The following KATNAL2 variants were observed in gnomAD, a reference collection of about 807,000 sequenced individuals.
KATNAL2 encodes the protein katanin p60 ATPase-containing subunit A-like 2.
In KATNAL2, 52 loss-of-function variants were observed where a neutral mutation model predicts 76.3. The observed-to-expected ratio is 0.68, with a 90% confidence interval of 0.55 to 0.86. The LOEUF is 0.86. Ranked by LOEUF, KATNAL2 falls within the 40% of genes least tolerant of loss-of-function variation. The probability of loss-of-function intolerance (pLI) is 0.00; values close to 1 mark genes in which losing one functional copy is unlikely to be tolerated. For missense variants in KATNAL2, 660 were observed against 668.9 expected (o/e 0.99, Z 0.15); for synonymous variants, 243 against 244.2 (o/e 1.00, Z 0.05).
At chr18:46,957,915 C>T (rs1319597567) in intron 3 of KATNAL2, among the ~76,000 whole-genome samples, 2 of 151,980 alleles carry the variant, frequency 1.3e-5, no homozygotes, top group African/African-American at 2.4e-5. Flanking sequence ...CCAGGATGGT[C>T]TCCATCTCCT....
intron 10 of KATNAL2, 42 bp downstream of exon 10, chr18:47,063,403 T>G (rs1458179326): frequency 2.0e-6 from 3 of 1,490,160 alleles, no homozygotes; most frequent in Non-Finnish European, 2.8e-6. Flanking sequence ...GGAGGCAGGC[T>G]GGGGCTTCTG....
chr18:46,922,376 T>C (rs566296210), intron 1 of KATNAL2, among the ~76,000 whole-genome samples: 2 of 152,220 alleles, frequency 1.3e-5, no homozygotes, highest in African/African-American at 4.8e-5. Flanking sequence ...GGATTACTGA[T>C]GTGAGCCGCT....
intron 1 of KATNAL2, among the ~76,000 whole-genome samples, chr18:46,922,583 C>T (rs537637778): frequency 5.9e-5 from 9 of 151,924 alleles, no homozygotes; most frequent in Admixed American, 4.6e-4. Flanking sequence ...CGCCTGAGGT[C>T]GGGAGTTCGA....
chr18:46,927,535 A>G (rs778082702), intron 1 of KATNAL2, among the ~76,000 whole-genome samples: 1 of 151,850 alleles, frequency 6.6e-6, no homozygotes, highest in African/African-American at 2.4e-5. Context: ...CTTCATTTCA[A>G]CTTTGGTGAA....
In KATNAL2 at chr18:47,043,765, T is replaced by C. The variant is rs113021983; in HGVS notation, c.52-2692T>C. ...ATGAGATGTGTTAGTGTTTTGATTATTAACAATACGTATGTTGAAAAGTAA... is the reference window on the plus strand; with the variant it reads ...ATGAGATGTGTTAGTGTTTTGATTACTAACAATACGTATGTTGAAAAGTAA... On this transcript the variant is annotated intron_variant, in intron 3 of 17. Transcript: ENST00000683218. Among the ~76,000 whole-genome samples the C allele has an allele frequency of 3.3e-3, 506 of 152,130 alleles. 1 individual carries two copies. Among genetic ancestry groups the C allele is most frequent in the African/African-American group, 0.012 (486 of 41,464 alleles).
chr18:46,924,924 AT>A (rs1370715071), intron 1 of KATNAL2, among the ~76,000 whole-genome samples: 1 of 152,174 alleles, frequency 6.6e-6, no homozygotes, highest in Non-Finnish European at 1.5e-5. Context: ...ATTTTTGTAC[AT>A]TGATTTTGTA....
intron 8 of KATNAL2, among the ~76,000 whole-genome samples, chr18:47,062,564 A>G (rs946410213): frequency 6.6e-6 from 1 of 151,894 alleles, no homozygotes; most frequent in African/African-American, 2.4e-5. Context: ...TGTACCCAGC[A>G]CTCTATTGAG....
In KATNAL2 at chr18:47,083,506, G is replaced by A. The variant is rs139086255; in HGVS notation, c.1211+6045G>A. On this transcript the variant is annotated intron_variant, in intron 15 of 17. Transcript: ENST00000683218. ...CATTTTCTCTAGACACATAGATTCCGTCTCAAAGGGGCAATCATTTTCTCC... is the reference window on the plus strand; with the variant it reads ...CATTTTCTCTAGACACATAGATTCCATCTCAAAGGGGCAATCATTTTCTCC... Among the ~76,000 whole-genome samples the A allele has an allele frequency of 1.8e-3, 276 of 152,198 alleles. 1 individual carries two copies. The highest frequency in any genetic ancestry group is 6.3e-3 in the African/African-American group (260 of 41,516).
intron 4 of KATNAL2, 67 bp downstream of exon 4, chr18:47,046,594 G>C (rs555844923): frequency 9.1e-7 from 1 of 1,101,576 alleles, no homozygotes; most frequent in African/African-American, 1.6e-5. Context: ...TTCCAGATGC[G>C]TACTTTTAAA....
At chr18:46,949,901 G>A (rs2059499077) in intron 3 of KATNAL2, among the ~76,000 whole-genome samples, 1 of 152,118 alleles carries the variant, frequency 6.6e-6, no homozygotes, top group Admixed American at 6.5e-5. Flanking sequence ...AATGATCAGG[G>A]TGATTTTCTT....
chr18:47,055,785 T>C (rs1195738759), intron 6 of KATNAL2, among the ~76,000 whole-genome samples: 2 of 152,210 alleles, frequency 1.3e-5, no homozygotes, highest in Non-Finnish European at 2.9e-5. Flanking sequence ...CCCTGGCAAA[T>C]GCTCTGTGAG....
chr18:47,076,808 T>G (rs2062251947), intron 14 of KATNAL2, among the ~76,000 whole-genome samples: 1 of 148,098 alleles, frequency 6.8e-6, no homozygotes, highest in South Asian at 2.1e-4. Flanking sequence ...TATATATATA[T>G]ATATATACAC....
At chr18:46,955,134 C>T (rs1448505056) in intron 3 of KATNAL2, among the ~76,000 whole-genome samples, 1 of 123,728 alleles carries the variant, frequency 8.1e-6, no homozygotes, top group African/African-American at 3.3e-5. Flanking sequence ...TTCTTTCTTT[C>T]TCTCTCTCTT....
intron 13 of KATNAL2, among the ~76,000 whole-genome samples, chr18:47,070,370 G>C (rs1288666564): frequency 6.6e-6 from 1 of 152,028 alleles, no homozygotes; most frequent in African/African-American, 2.4e-5. Context: ...CAACGTGCTA[G>C]GATTACAGGC....
intron 11 of KATNAL2, among the ~76,000 whole-genome samples, chr18:47,068,191 T>C (rs2061874681): frequency 6.6e-6 from 1 of 152,234 alleles, no homozygotes; most frequent in South Asian, 2.1e-4. Flanking sequence ...GCTCCATTTC[T>C]TGATGAAAGG....
At chr18:47,035,693 G>A (rs543917375) in intron 3 of KATNAL2, 46 of 278,556 alleles carry the variant, frequency 1.7e-4, no homozygotes, top group Admixed American at 7.0e-4. Context: ...GACGGTCCAC[G>A]CCAGGTGGAC....
At chr18:47,066,888 T>C (rs73954221) in intron 10 of KATNAL2, 133 bp from the exon 11 acceptor site, 9,409 of 75,928 alleles carry the variant, frequency 0.12, 1,573 homozygotes, top group East Asian at 0.28. Flanking sequence ...TATATATATA[T>C]ATATAATATG....
intron 15 of KATNAL2, among the ~76,000 whole-genome samples, chr18:47,083,600 A>G (rs553939525): frequency 5.9e-5 from 9 of 152,228 alleles, no homozygotes; most frequent in Non-Finnish European, 1.3e-4. Flanking sequence ...CACCTTCCCT[A>G]GTCTATAGCA....
chr18:47,081,116 C>T (rs936949185), intron 15 of KATNAL2, among the ~76,000 whole-genome samples: 1 of 151,458 alleles, frequency 6.6e-6, no homozygotes, highest in Non-Finnish European at 1.5e-5. Context: ...CCCTCTTCCT[C>T]TCTATCCATC....
Sources: gnomAD v4.1 joint callset for allele counts (sites outside exome capture counted in the v4.1 genomes callset) on GRCh38, gnomAD v4.1.1 for gene constraint, MANE v1.5 for transcripts, NCBI Gene and HGNC (gene_info 2026-07-23, HGNC 2026-07-21) for gene names.